Variants in DNAJC13 observed in about 807,000 individuals in gnomAD.
DNAJC13 encodes DnaJ heat shock protein family (Hsp40) member C13, also known as dnaJ homolog subfamily C member 13.
In DNAJC13, 75 loss-of-function variants were observed where a neutral mutation model predicts 290.5. The observed-to-expected ratio is 0.26, with a 90% CI of 0.21 to 0.31. DNAJC13 has a LOEUF of 0.31. Among genes scored for constraint, DNAJC13 ranks in the 10% least tolerant of loss-of-function variants. DNAJC13 has a pLI of 1.00. For missense variants in DNAJC13, 2,260 were observed against 2,674.5 expected (o/e 0.85, Z 3.42); for synonymous variants, 862 against 892.0 (o/e 0.97, Z 0.60).
At position 132,478,132 on chromosome 3, in the gene DNAJC13, T is replaced by G. The variant is rs985179326; in HGVS notation, c.2701T>G (p.Leu901Val). Residue 901 changes from leucine (L) to valine (V), a missense_variant, in exon 24 of 56, where the codon TTA becomes GTA. By Grantham distance (32) the Leu-to-Val change is conservative (BLOSUM62 1). Transcript: ENST00000260818. ...AGATACCAGATATATCATTGGAATG[T>G]TAGAGAGGGTAAGGATATCATTTAA... ...FTDTRYIIGM[L>V]ERCTDKLERD... 2 of 1,608,816 alleles carry G rather than the reference T, an allele frequency of 1.2e-6. No homozygotes were observed. The highest frequency in any genetic ancestry group is 2.7e-5 in the African/African-American group (2 of 74,574).
chr3:132,519,548 T>C (rs1936020979), intron 48 of DNAJC13, among the ~76,000 whole-genome samples: 2 of 152,206 alleles, frequency 1.3e-5, no homozygotes, highest in Non-Finnish European at 2.9e-5. Flanking sequence ...ATTTTCCTGA[T>C]TGTTTCTCCA....
intron 21 of DNAJC13, 47 bp downstream of exon 21, chr3:132,473,274 C>A: frequency 7.8e-7 from 1 of 1,284,042 alleles, no homozygotes; most frequent in South Asian, 1.3e-5. Flanking sequence ...TTAGTATTGC[C>A]ATGAGAGGCA....
intron 2 of DNAJC13, among the ~76,000 whole-genome samples, chr3:132,440,415 C>G (rs1933019747): frequency 6.6e-6 from 1 of 152,236 alleles, no homozygotes; most frequent in African/African-American, 2.4e-5. Flanking sequence ...TACTCATTAG[C>G]CAGGCACATA....
At chr3:132,526,404 G>C in intron 53 of DNAJC13, 123 bp downstream of exon 53, 1 of 1,136,008 alleles carries the variant, frequency 8.8e-7, no homozygotes, top group Non-Finnish European at 1.2e-6. Flanking sequence ...TTGTGAGTTT[G>C]TGTATAAACA....
chr3:132,473,102 G>T, intron 20 of DNAJC13, 43 bp from the exon 21 acceptor site: 1 of 1,337,314 alleles, frequency 7.5e-7, no homozygotes, highest in Non-Finnish European at 1.1e-6. Context: ...AAGCCTATTT[G>T]GTAGCCCCAG....
chr3:132,495,231 A>G, intron 35 of DNAJC13, 65 bp downstream of exon 35: 1 of 1,280,010 alleles, frequency 7.8e-7, no homozygotes, highest in South Asian at 1.2e-5. Flanking sequence ...GTAGTTGGAG[A>G]AAAGTATATT....
At chr3:132,431,195 G>C (rs1939229635) in intron 1 of DNAJC13, among the ~76,000 whole-genome samples, 1 of 152,156 alleles carries the variant, frequency 6.6e-6, no homozygotes, top group African/African-American at 2.4e-5. Context: ...TTGAGCACCT[G>C]TTTTGTATCA....
chr3:132,468,966 G>C (rs62292897), intron 20 of DNAJC13, among the ~76,000 whole-genome samples: 14,075 of 152,164 alleles, frequency 0.092, 817 homozygotes, highest in South Asian at 0.14. Flanking sequence ...TCTAGTCTTA[G>C]CTAAAACTAT....
intron 1 of DNAJC13, among the ~76,000 whole-genome samples, chr3:132,429,762 GTC>G (rs1384450091): frequency 1.3e-5 from 2 of 152,096 alleles, no homozygotes; most frequent in Non-Finnish European, 2.9e-5. Flanking sequence ...TTAGTGGGGT[GTC>G]TCTTCCCTCC....
Position 132,463,483 on chromosome 3 carries a change from G to T in DNAJC13, c.1771-213G>T, listed in dbSNP as rs190364893. On this transcript the variant is annotated intron_variant, in intron 16 of 55. Transcript: ENST00000260818. ...AAAGCATAGTTTATGAGGTAAATTT[G>T]TCTGGAAACATCTCAACCTTATTCC... Among the ~76,000 whole-genome samples the T allele has an allele frequency of 3.7e-3, 561 of 152,216 alleles. 2 individuals are homozygous for T. The highest frequency in any genetic ancestry group is 6.5e-3 in the Non-Finnish European group (445 of 67,970).
At position 132,471,612 on chromosome 3, in the gene DNAJC13, G is replaced by A. The variant is rs1286806316; in HGVS notation, c.2209-1533G>A. 5.2e-3 allele frequency among the ~76,000 whole-genome samples: 711 copies of A among 137,436 alleles called. 12 individuals are homozygous for A. Among genetic ancestry groups the A allele is most frequent in the African/African-American group, 0.019 (666 of 35,738 alleles). 90.2% of individuals were successfully genotyped at this position (137,436 alleles called of 152,430 possible). A position where few individuals can be genotyped will look rare whatever the true frequency, so the allele number is the denominator to read the frequency against. On this transcript the variant is annotated intron_variant, in intron 20 of 55. Transcript: ENST00000260818. ...GCACTCCTCACATCCCAGATGGGGC[G>A]GCAGGGCAGAGGCGCTCCCCACATC... is the stretch of plus-strand genomic sequence containing the variant.
At chr3:132,484,703 T>C (rs574943811) in intron 29 of DNAJC13, 31 bp downstream of exon 29, 2 of 1,545,786 alleles carry the variant, frequency 1.3e-6, no homozygotes, top group East Asian at 4.5e-5. Context: ...AGGAGCAATT[T>C]TAAGAATCAT....
chr3:132,538,287 T>G lies in DNAJC13; in HGVS notation c.*5T>G. 3 of 1,611,756 alleles carry G rather than the reference T, an allele frequency of 1.9e-6. No homozygotes were observed. Among genetic ancestry groups the G allele is most frequent in the Non-Finnish European group, 2.5e-6 (3 of 1,178,726 alleles). ...GACCTTGGCTATCAGACTTGAAATA[T>G]TCACGAGAGACAATAAACGCTGAAA... is the stretch of plus-strand genomic sequence containing the variant. On this transcript the variant is annotated 3_prime_UTR_variant, in exon 56 of 56. Transcript: ENST00000260818.
In DNAJC13 at chr3:132,482,318, T is replaced by C. The variant is rs778388042; in HGVS notation, c.2967T>C (p.Tyr989=). The part of the protein sequence containing the change: ...GNADKERSGP[Y]GFHEMQELWT... ...CAGACAAAGAAAGGAGTGGCCCGTA[T>C]GGATTTCATGAGGTATGTATCTTGG... The change falls in exon 27 of 56, where the codon TAT becomes TAC. Residue 989 remains tyrosine, a synonymous_variant. Transcript: ENST00000260818. 2.5e-6 allele frequency: 4 copies of C among 1,613,388 alleles called. No individual in the cohort carries two copies. The highest frequency in any genetic ancestry group is 1.1e-5 in the South Asian group (1 of 91,068).
chr3:132,457,454 C>A, intron 13 of DNAJC13, 86 bp downstream of exon 13: 2 of 1,037,618 alleles, frequency 1.9e-6, no homozygotes, highest in Non-Finnish European at 2.9e-6. Flanking sequence ...TTCATTGTAC[C>A]AATAAGTTCT....
Position 132,525,633 on chromosome 3 carries a change from A to G in DNAJC13, c.6084A>G (p.Thr2028=), listed in dbSNP as rs531263243. Residue 2028 remains threonine (T), a synonymous_variant, in exon 52 of 56, where the codon ACA becomes ACG. Transcript: ENST00000260818. ...NPHGETLETL[T]MATVCLFSAQ... ...AGGGAGAAACTCTGGAAACCTTGAC[A>G]ATGGCAACAGTGTGTCTCTTCAGCG... The G allele has an allele frequency of 8.7e-6, 14 of 1,613,810 alleles. No homozygotes were observed. In the African/African-American group the frequency reaches 1.9e-4, roughly 22 times the overall value.
chr3:132,496,347 T>A (rs538247781), intron 35 of DNAJC13, among the ~76,000 whole-genome samples, 181 bp from the exon 36 acceptor site: 1 of 152,134 alleles, frequency 6.6e-6, no homozygotes, highest in African/African-American at 2.4e-5. Flanking sequence ...ATTAGACAAC[T>A]ATTTGAAAAA....
chr3:132,441,259 G>T (rs1156281403), intron 2 of DNAJC13, among the ~76,000 whole-genome samples: 4 of 152,206 alleles, frequency 2.6e-5, no homozygotes, highest in East Asian at 3.8e-4. Flanking sequence ...AAATTTGTGG[G>T]GAAGTAGATG....
At chr3:132,466,092 G>A (rs1933970632) in intron 18 of DNAJC13, 22 bp downstream of exon 18, 2 of 1,584,404 alleles carry the variant, frequency 1.3e-6, no homozygotes, top group East Asian at 4.5e-5. Context: ...GAGAAATTAG[G>A]TTATATACTG....
Sources: allele counts gnomAD v4.1 joint callset (sites outside exome capture counted in the v4.1 genomes callset), GRCh38; gene constraint gnomAD v4.1.1; transcripts MANE v1.5; gene names NCBI Gene and HGNC (gene_info 2026-07-23, HGNC 2026-07-21).